GATAD2A: variants seen among roughly 807,000 people sequenced by gnomAD.
GATAD2A encodes the protein transcriptional repressor p66-alpha.
GATAD2A carries 12 observed loss-of-function variants against 68.5 expected under a neutral mutation model. That is an observed-to-expected ratio of 0.18 (90% CI 0.11 to 0.28). The LOEUF is 0.28. Among genes scored for constraint, GATAD2A ranks in the 10% least tolerant of loss-of-function variants. GATAD2A has a pLI of 1.00. For missense variants in GATAD2A, 755 were observed against 868.5 expected (o/e 0.87, Z 1.64); for synonymous variants, 410 against 375.3 (o/e 1.09, Z -1.07).
At chr19:19,495,907 G>T (rs1053433386) in intron 6 of GATAD2A, 22 bp downstream of exon 6, 7 of 1,603,808 alleles carry the variant, frequency 4.4e-6, no homozygotes, top group Middle Eastern at 1.7e-4. Context: ...TGTGCACATG[G>T]GGGAGACCTG....
chr19:19,434,330 G>A (rs981811695), intron 1 of GATAD2A, among the ~76,000 whole-genome samples: 21 of 152,096 alleles, frequency 1.4e-4, no homozygotes, highest in African/African-American at 4.8e-4. Context: ...GACTAATGCT[G>A]CCCATTGGGT....
chr19:19,479,571 T>G (rs1040743254), intron 2 of GATAD2A, among the ~76,000 whole-genome samples: 4 of 152,246 alleles, frequency 2.6e-5, no homozygotes, highest in African/African-American at 9.6e-5. Flanking sequence ...TCAAGTGTTC[T>G]GTAGAATGTC....
At chr19:19,464,640 A>G (rs1032049056) in intron 1 of GATAD2A, 1 of 152,468 alleles carries the variant, frequency 6.6e-6, no homozygotes, top group Non-Finnish European at 1.5e-5. Context: ...AAACTGACTC[A>G]GCTGTTTTTT....
At chr19:19,412,102 G>A (rs1185489170) in intron 1 of GATAD2A, among the ~76,000 whole-genome samples, 1 of 149,054 alleles carries the variant, frequency 6.7e-6, no homozygotes, top group Non-Finnish European at 1.5e-5. Flanking sequence ...TTTTTTTGGT[G>A]GGCTGTCTCA....
rs771291766 is a variant in GATAD2A at position 19,496,184 on chromosome 19, G to A, written c.889G>A (p.Val297Ile). 1.9e-6 allele frequency: 3 copies of A among 1,613,854 alleles called. No individual in the cohort carries two copies. Among genetic ancestry groups the A allele is most frequent in the Admixed American group, 1.7e-5 (1 of 60,030 alleles). Reference protein sequence around the residue: ...IQQGLIRVANVPNTSLLVNIP... With the variant: ...IQQGLIRVANIPNTSLLVNIP... The stretch of plus-strand genomic sequence containing the variant: ...GCAGGGCCTCATCCGCGTCGCCAAT[G>A]TTCCCAACACCAGCCTGCTCGTCAA... The change falls in exon 7 of 12, where the codon GTT (valine) becomes ATT (isoleucine). Residue 297 changes from valine to isoleucine, a missense_variant. Val to Ile is a conservative substitution (Grantham distance 29). Coordinates refer to ENST00000683918, the MANE Select transcript of GATAD2A (RefSeq NM_001384528.1).
intron 1 of GATAD2A, among the ~76,000 whole-genome samples, chr19:19,421,310 G>A (rs2052391355): frequency 6.6e-6 from 1 of 152,206 alleles, no homozygotes; most frequent in Non-Finnish European, 1.5e-5. Flanking sequence ...CCCAGTGAAA[G>A]CCAGTTGAAT....
chr19:19,398,314 C>T (rs2049426918), intron 1 of GATAD2A, among the ~76,000 whole-genome samples: 1 of 152,050 alleles, frequency 6.6e-6, no homozygotes, highest in Non-Finnish European at 1.5e-5. Context: ...AGCAATTCTC[C>T]TGCCTCAGCC....
At chr19:19,440,146 G>A (rs1017670838) in intron 1 of GATAD2A, 1 of 416,260 alleles carries the variant, frequency 2.4e-6, no homozygotes, top group Non-Finnish European at 4.8e-6. Context: ...GGGATTTCTA[G>A]TTGAAATGAC....
At chr19:19,460,876 A>G (rs1600188750) in intron 1 of GATAD2A, among the ~76,000 whole-genome samples, 1 of 152,188 alleles carries the variant, frequency 6.6e-6, no homozygotes, top group East Asian at 1.9e-4. Flanking sequence ...CCCCCAGCAC[A>G]TGTCTCCGCT....
chr19:19,389,225 A>T (rs1719055814), intron 1 of GATAD2A, among the ~76,000 whole-genome samples: 1 of 152,174 alleles, frequency 6.6e-6, no homozygotes, highest in African/African-American at 2.4e-5. Context: ...TTGAAACCTG[A>T]GTAACTTGTA....
At chr19:19,430,976 GGTGTGTGTGTGTGTGTGTGT>G (rs71170687) in intron 1 of GATAD2A, among the ~76,000 whole-genome samples, 5 of 136,692 alleles carry the variant, frequency 3.7e-5, no homozygotes, top group Admixed American at 7.3e-5. Context: ...GTATGGTAGG[GGTGTGTGTGTGTGTGTGTGT>G]GTGTGTGTGT....
At chr19:19,414,225 A>G (rs2051302165) in intron 1 of GATAD2A, among the ~76,000 whole-genome samples, 1 of 152,164 alleles carries the variant, frequency 6.6e-6, no homozygotes, top group African/African-American at 2.4e-5. Context: ...AAATATAACT[A>G]TTTTTGGGAG....
intron 9 of GATAD2A, 26 bp downstream of exon 9, chr19:19,501,442 G>C: frequency 6.5e-7 from 1 of 1,547,200 alleles, no homozygotes; most frequent in Non-Finnish European, 8.7e-7. Flanking sequence ...TGCCGGCAGT[G>C]CCGTCCCTAG....
chr19:19,432,603 A>C (rs1342508942), intron 1 of GATAD2A, among the ~76,000 whole-genome samples: 1 of 152,222 alleles, frequency 6.6e-6, no homozygotes, highest in Admixed American at 6.5e-5. Flanking sequence ...TGTTCGGCTG[A>C]CAGTCGTTTT....
chr19:19,436,086 C>T (rs1369464658), intron 1 of GATAD2A: 1 of 1,051,114 alleles, frequency 9.5e-7, no homozygotes, highest in East Asian at 4.9e-5. Context: ...GTTCCAGAAA[C>T]CTTGCTTGGA....
At position 19,505,800 on chromosome 19, in the gene GATAD2A, C is replaced by G. The variant is rs1471562085; in HGVS notation, c.*326C>G. ...GGGGGCTGGTTCTGCTCCTGGCCCCCTTGTTCAGCCCCTGCCGGCACACGG... is the reference window on the plus strand; with the variant it reads ...GGGGGCTGGTTCTGCTCCTGGCCCCGTTGTTCAGCCCCTGCCGGCACACGG... On this transcript the variant is annotated 3_prime_UTR_variant, in exon 12 of 12. Coordinates refer to ENST00000683918, the MANE Select transcript of GATAD2A (RefSeq NM_001384528.1). The G allele has an allele frequency of 2.2e-6, 1 of 449,466 alleles. No individual in the cohort carries two copies. Among genetic ancestry groups the G allele is most frequent in the Non-Finnish European group, 3.9e-6 (1 of 257,926 alleles). The allele number at this position is 449,466 out of a possible 1,614,324, so 27.8% of individuals were successfully genotyped here. A position where few individuals can be genotyped will look rare whatever the true frequency, so the allele number is the denominator to read the frequency against.
At chr19:19,412,601 C>T (rs2051098615) in intron 1 of GATAD2A, among the ~76,000 whole-genome samples, 1 of 152,014 alleles carries the variant, frequency 6.6e-6, no homozygotes, top group Non-Finnish European at 1.5e-5. Context: ...CATTGCACTC[C>T]AGCCTGGGCG....
chr19:19,499,426 G>T (rs762943905), intron 8 of GATAD2A, among the ~76,000 whole-genome samples: 1 of 152,144 alleles, frequency 6.6e-6, no homozygotes, highest in Non-Finnish European at 1.5e-5. Context: ...AGAGGAGTCG[G>T]CAGGACTGTG....
intron 1 of GATAD2A, among the ~76,000 whole-genome samples, chr19:19,417,778 A>T (rs1193360630): frequency 6.6e-6 from 1 of 152,162 alleles, no homozygotes; most frequent in East Asian, 1.9e-4. Flanking sequence ...TGACGGAATA[A>T]AAAGCAGGGA....
Sources: allele counts gnomAD v4.1 joint callset (sites outside exome capture counted in the v4.1 genomes callset), GRCh38; gene constraint gnomAD v4.1.1; transcripts MANE v1.5; gene names NCBI Gene and HGNC (gene_info 2026-07-23, HGNC 2026-07-21).